IGF2R: variants seen among roughly 807,000 people sequenced by gnomAD.
IGF2R encodes the protein insulin like growth factor 2 receptor.
Under a neutral mutation model 270.6 loss-of-function variants are expected in IGF2R, and 91 were observed. The observed-to-expected ratio is 0.34, with a 90% confidence interval of 0.28 to 0.40. The LOEUF is 0.40. IGF2R is among the 10% of genes least tolerant of loss of function. The pLI, the probability that IGF2R is intolerant of heterozygous loss-of-function variation, is 1.00. For synonymous variants in IGF2R, 1,316 were observed against 1,258.9 expected (o/e 1.05, Z -0.96); for missense variants, 2,805 against 3,188.3 (o/e 0.88, Z 2.90).
intron 1 of IGF2R, among the ~76,000 whole-genome samples, chr6:159,988,249 C>T (rs1311574783): frequency 2.0e-5 from 3 of 152,108 alleles, no homozygotes; most frequent in Non-Finnish European, 4.4e-5. Context: ...GGCGCGGTGG[C>T]TCACGCCTGT....
In IGF2R at chr6:160,073,228, A is replaced by C; in HGVS notation, c.4706A>C (p.Gln1569Pro). ...CPPGVGACFG[Q>P]TRISVGKANK... ...TGTGGTGCAGGGGCCTGCTTTGGAC[A>C]GACCAGGATTAGCGTGGGCAAGGCC... Residue 1569 changes from glutamine (Q) to proline (P), a missense_variant, in exon 34 of 48, where the codon CAG becomes CCG. Gln to Pro is a moderately conservative substitution (Grantham distance 76, BLOSUM62 -1). Around this residue, in one of 2 missense-constraint regions of IGF2R, gnomAD observed 1,851 missense variants for 2,207.2 expected, o/e 0.84. Coordinates refer to ENST00000356956, the MANE Select transcript of IGF2R (RefSeq NM_000876.4). 1 of 1,614,260 alleles carries C rather than the reference A, an allele frequency of 6.2e-7. No individual in the cohort carries two copies. The highest frequency in any genetic ancestry group is 8.5e-7 in the Non-Finnish European group (1 of 1,180,046).
rs746737516 is a variant in IGF2R at position 159,991,688 on chromosome 6, C to T, written c.289+365C>T. ...CCAGCCCACATTTCCTTTTAGTGCT[C>T]CCCCGACTCCCATTCCTTTGTACCT... On this transcript the variant is annotated intron_variant, in intron 2 of 47. Transcript: ENST00000356956. Among the ~76,000 whole-genome samples, 8 of 152,112 alleles carry T rather than the reference C, an allele frequency of 5.3e-5. No individual in the cohort carries two copies. In the South Asian group the frequency reaches 6.2e-4, roughly 12 times the overall value.
rs1174811277 is a variant in IGF2R at position 160,010,706 on chromosome 6, C to T, written c.434C>T (p.Thr145Ile). ...GKTLGTPEFV[T>I]ATECVHYFEW... Reference sequence around the variant, plus strand: ...TAATAGGGAACTCCTGAATTTGTAACTGCAACAGAATGTGTGCACTACTTT... The same window carrying T: ...TAATAGGGAACTCCTGAATTTGTAATTGCAACAGAATGTGTGCACTACTTT... The change falls in exon 4 of 48, where the codon ACT becomes ATT. Residue 145 changes from threonine to isoleucine, a missense_variant. This residue lies in a region of IGF2R where 954 missense variants were observed against 981.1 expected (regional missense o/e 0.97). Transcript: ENST00000356956. The T allele has an allele frequency of 2.5e-6, 4 of 1,604,228 alleles. No individual in the cohort carries two copies. In the African/African-American group the frequency reaches 4.0e-5, roughly 16 times the overall value.
chr6:160,071,299 GC>G (rs1778732363), intron 31 of IGF2R, among the ~76,000 whole-genome samples: 1 of 149,430 alleles, frequency 6.7e-6, no homozygotes, highest in African/African-American at 2.5e-5. Flanking sequence ...GTGTGTCGAG[GC>G]CCCTGTGCCC....
intron 41 of IGF2R, among the ~76,000 whole-genome samples, chr6:160,086,672 A>G (rs765064706): frequency 9.2e-5 from 14 of 152,186 alleles, no homozygotes; most frequent in Non-Finnish European, 1.9e-4. Context: ...CTTTTTTCCA[A>G]AATTTTACAC....
At chr6:160,058,599 A>C (rs1461938801) in intron 21 of IGF2R, among the ~76,000 whole-genome samples, 1 of 152,202 alleles carries the variant, frequency 6.6e-6, no homozygotes, top group Non-Finnish European at 1.5e-5. Flanking sequence ...TAACATTATG[A>C]CTTCTGTGTC....
chr6:160,070,936 G>T (rs1161191579), intron 31 of IGF2R, among the ~76,000 whole-genome samples: 2 of 152,222 alleles, frequency 1.3e-5, no homozygotes, highest in African/African-American at 4.8e-5. Context: ...GGGCCTCTGA[G>T]CATTCTCCTC....
intron 20 of IGF2R, 46 bp downstream of exon 20, chr6:160,056,571 C>T (rs1467557670): frequency 1.2e-5 from 14 of 1,213,562 alleles, no homozygotes; most frequent in South Asian, 4.8e-5. Flanking sequence ...GCCTGCTGGA[C>T]ATCCTCAACT....
intron 10 of IGF2R, among the ~76,000 whole-genome samples, chr6:160,040,015 C>CA (rs1240937477): frequency 6.6e-6 from 1 of 152,156 alleles, no homozygotes. Flanking sequence ...GTGGGGCTGG[C>CA]ATAGGACCTT....
chr6:160,032,530 C>A, intron 7 of IGF2R, 21 bp from the exon 8 acceptor site: 1 of 1,603,948 alleles, frequency 6.2e-7, no homozygotes, highest in Non-Finnish European at 8.5e-7. Context: ...TATTTTGCTT[C>A]TTTCACATTG....
intron 4 of IGF2R, among the ~76,000 whole-genome samples, chr6:160,015,683 C>G (rs1442093513): frequency 1.3e-5 from 2 of 152,186 alleles, no homozygotes; most frequent in East Asian, 3.9e-4. Context: ...CATCTGAGCA[C>G]AGACCCTGAT....
chr6:160,088,989 A>G, intron 42 of IGF2R, 118 bp from the exon 43 acceptor site: 1 of 1,039,154 alleles, frequency 9.6e-7, no homozygotes, highest in Admixed American at 3.2e-5. Flanking sequence ...GAAGTCTCGC[A>G]GCACCTTGAC....
Position 160,052,016 on chromosome 6 carries a change from C to T in IGF2R, c.2694+1364C>T, listed in dbSNP as rs200553148. Among the ~76,000 whole-genome samples, 5 of 151,510 alleles carry T rather than the reference C, an allele frequency of 3.3e-5. No homozygotes were observed. In the East Asian group the frequency reaches 9.7e-4, roughly 29 times the overall value. On this transcript the variant is annotated intron_variant, in intron 19 of 47. Coordinates refer to ENST00000356956, the MANE Select transcript of IGF2R (RefSeq NM_000876.4). ...TTTGAGCCCAGGAGTCTCAGACTAG[C>T]CTGGGCAACTTAGTGAGACCCCATC...
chr6:159,990,869 C>G (rs370443313), intron 1 of IGF2R, among the ~76,000 whole-genome samples: 1 of 152,110 alleles, frequency 6.6e-6, no homozygotes, highest in African/African-American at 2.4e-5. Context: ...ACCTCGTGAT[C>G]CACCCACCTC....
intron 6 of IGF2R, among the ~76,000 whole-genome samples, chr6:160,028,908 TA>T (rs904994523): frequency 6.6e-6 from 1 of 151,962 alleles, no homozygotes; most frequent in East Asian, 1.9e-4. Context: ...TTCCTTTTTT[TA>T]AAAAAAATAA....
chr6:160,056,928 C>G (rs1778329315), intron 20 of IGF2R, among the ~76,000 whole-genome samples: 2 of 152,188 alleles, frequency 1.3e-5, no homozygotes, highest in African/African-American at 2.4e-5. Context: ...TAATGTGACC[C>G]TATCCATAGA....
Position 160,048,474 on chromosome 6 carries a change from G to A in IGF2R, c.2445G>A (p.Arg815=). 1 of 1,614,220 alleles carries A rather than the reference G, an allele frequency of 6.2e-7. No homozygotes were observed. ...GGAAATACTACATTAACGTGTGTCG[G>A]CCTCTGAATCCAGTGCCGGGCTGCA... The part of the protein sequence containing the change: ...TWRKYYINVC[R]PLNPVPGCNR... The change falls in exon 18 of 48, where the codon CGG becomes CGA. Residue 815 remains arginine, a synonymous_variant. Transcript: ENST00000356956.
At chr6:160,038,240 C>T (rs1278274991) in intron 10 of IGF2R, among the ~76,000 whole-genome samples, 1 of 152,168 alleles carries the variant, frequency 6.6e-6, no homozygotes, top group East Asian at 1.9e-4. Flanking sequence ...AGAGATTGTG[C>T]AGAGCTAATC....
chr6:160,032,579 C>A lies in IGF2R; in HGVS notation c.911C>A (p.Ser304Tyr), dbSNP rs1289950230. 7 of 1,614,076 alleles carry A rather than the reference C, an allele frequency of 4.3e-6. No individual in the cohort carries two copies. Among genetic ancestry groups the A allele is most frequent in the Non-Finnish European group, 5.9e-6 (7 of 1,179,978 alleles). Residue 304 changes from serine (S) to tyrosine (Y), a missense_variant, in exon 8 of 48, where the codon TCC becomes TAC. Ser to Tyr is a moderately radical substitution (Grantham distance 144). This residue lies in a region of IGF2R where 954 missense variants were observed against 981.1 expected (regional missense o/e 0.97). Transcript: ENST00000356956. Reference sequence around the variant, plus strand: ...ACCATTCCCAAACTCACAGCTAAATCCAACTGCCGCTATGAAATTGAGTGG... The same window carrying A: ...ACCATTCCCAAACTCACAGCTAAATACAACTGCCGCTATGAAATTGAGTGG... ...EGTIPKLTAK[S>Y]NCRYEIEWIT... is the part of the protein sequence containing the mutation.
Sources: gnomAD v4.1 joint callset for allele counts (sites outside exome capture counted in the v4.1 genomes callset) on GRCh38, gnomAD v4.1.1 for gene constraint, gnomAD v4.1.1 regional missense constraint, MANE v1.5 for transcripts, NCBI Gene and HGNC (gene_info 2026-07-23, HGNC 2026-07-21) for gene names.